The following LRRTM4 variants were observed in gnomAD, a reference collection of about 807,000 sequenced individuals.
LRRTM4 encodes the protein leucine rich repeat transmembrane neuronal 4.
Under a neutral mutation model 47.6 loss-of-function variants are expected in LRRTM4, and 25 were observed. The ratio of observed to expected loss-of-function variants is 0.53; its 90% CI spans 0.38 to 0.73. LRRTM4 has a LOEUF of 0.73. LRRTM4 is among the 30% of genes least tolerant of loss of function. LRRTM4 has a pLI of 0.00. For missense variants in LRRTM4, 638 were observed against 713.4 expected (o/e 0.89, Z 1.20); for synonymous variants, 311 against 269.5 (o/e 1.15, Z -1.51).
At chr2:77,373,647 C>A (rs1014140240) in intron 3 of LRRTM4, among the ~76,000 whole-genome samples, 1 of 151,706 alleles carries the variant, frequency 6.6e-6, no homozygotes, top group Non-Finnish European at 1.5e-5. Context: ...TTGACAAAGG[C>A]ACCATATGCT....
At chr2:77,326,127 T>A (rs1670765858) in intron 3 of LRRTM4, among the ~76,000 whole-genome samples, 1 of 152,200 alleles carries the variant, frequency 6.6e-6, no homozygotes, top group Non-Finnish European at 1.5e-5. Context: ...CAGATCTTAC[T>A]AAGTTGTCCC....
intron 3 of LRRTM4, among the ~76,000 whole-genome samples, chr2:77,393,375 A>G (rs748396621): frequency 6.6e-6 from 1 of 151,998 alleles, no homozygotes; most frequent in African/African-American, 2.4e-5. Flanking sequence ...TTGGAACACT[A>G]TGGGAAAACA....
At chr2:76,991,232 G>A (rs1365077944) in intron 3 of LRRTM4, among the ~76,000 whole-genome samples, 2 of 150,950 alleles carry the variant, frequency 1.3e-5, no homozygotes, top group Non-Finnish European at 3.0e-5. Context: ...TACACCTAGA[G>A]GAACTAGAAA....
At chr2:76,990,796 G>T (rs947652485) in intron 3 of LRRTM4, among the ~76,000 whole-genome samples, 8 of 151,482 alleles carry the variant, frequency 5.3e-5, no homozygotes, top group South Asian at 4.2e-4. Flanking sequence ...TGACCAATTG[G>T]ACCTAATAGA....
intron 3 of LRRTM4, among the ~76,000 whole-genome samples, chr2:77,439,868 G>C (rs777464200): frequency 5.7e-4 from 86 of 152,092 alleles, no homozygotes; most frequent in African/African-American, 2.0e-3. Context: ...TACAGATGAA[G>C]TAATTGAGAC....
chr2:77,313,422 C>G (rs202094047), intron 3 of LRRTM4, among the ~76,000 whole-genome samples: 320 of 77,786 alleles, frequency 4.1e-3, no homozygotes, highest in East Asian at 0.04. Flanking sequence ...CTGGGACCTG[C>G]TGCTGTGATG....
At chr2:77,079,548 T>C (rs1572935038) in intron 3 of LRRTM4, among the ~76,000 whole-genome samples, 1 of 152,162 alleles carries the variant, frequency 6.6e-6, no homozygotes, top group African/African-American at 2.4e-5. Flanking sequence ...TCATCAGCTA[T>C]TGCTAGTGTT....
chr2:76,807,414 A>ACG, intron 3 of LRRTM4, among the ~76,000 whole-genome samples: 4 of 91,926 alleles, frequency 4.4e-5, no homozygotes, highest in Non-Finnish European at 7.8e-5. Flanking sequence ...ATACGTATAT[A>ACG]TATATATATA....
At chr2:76,838,875 G>C (rs188130847) in intron 3 of LRRTM4, among the ~76,000 whole-genome samples, 1 of 152,078 alleles carries the variant, frequency 6.6e-6, no homozygotes, top group East Asian at 1.9e-4. Flanking sequence ...TTCATAATTC[G>C]TTATTTAAGG....
intron 3 of LRRTM4, among the ~76,000 whole-genome samples, chr2:76,953,807 T>C (rs1360997773): frequency 1.3e-5 from 2 of 151,934 alleles, no homozygotes; most frequent in Non-Finnish European, 2.9e-5. Context: ...GAGGTACTGA[T>C]TACTGTCTTA....
chr2:76,780,504 T>TCATTTCATC (rs1674311410), intron 3 of LRRTM4, among the ~76,000 whole-genome samples: 1 of 152,086 alleles, frequency 6.6e-6, no homozygotes, highest in African/African-American at 2.4e-5. Flanking sequence ...TTCATTTCAT[T>TCATTTCATC]CATTTCATCT....
intron 3 of LRRTM4, among the ~76,000 whole-genome samples, chr2:77,033,982 C>T (rs1056289270): frequency 1.3e-5 from 2 of 151,520 alleles, no homozygotes; most frequent in Admixed American, 1.3e-4. Context: ...ATCAAGATTT[C>T]AAGATTTTTT....
chr2:76,861,019 AGAG>A (rs1260929564), intron 3 of LRRTM4, among the ~76,000 whole-genome samples: 2 of 152,124 alleles, frequency 1.3e-5, no homozygotes, highest in Non-Finnish European at 2.9e-5. Flanking sequence ...CAGTTTTTCT[AGAG>A]GTGATAGTTT....
At chr2:76,992,501 A>G (rs1677044417) in intron 3 of LRRTM4, among the ~76,000 whole-genome samples, 1 of 151,650 alleles carries the variant, frequency 6.6e-6, no homozygotes, top group African/African-American at 2.4e-5. Flanking sequence ...CCAGGCTGAA[A>G]TTAAAATCAA....
intron 3 of LRRTM4, among the ~76,000 whole-genome samples, chr2:77,390,369 T>C (rs1450599159): frequency 6.6e-6 from 1 of 152,078 alleles, no homozygotes; most frequent in Non-Finnish European, 1.5e-5. Flanking sequence ...CAAAATATCA[T>C]TTCTCAAAAT....
At chr2:76,824,265 ATGTG>A (rs1671132032) in intron 3 of LRRTM4, among the ~76,000 whole-genome samples, 1 of 151,446 alleles carries the variant, frequency 6.6e-6, no homozygotes, top group Non-Finnish European at 1.5e-5. Flanking sequence ...TGATCTATAA[ATGTG>A]TGTGTGTTTT....
intron 3 of LRRTM4, among the ~76,000 whole-genome samples, chr2:77,026,229 A>G (rs932704867): frequency 6.6e-6 from 1 of 152,140 alleles, no homozygotes; most frequent in African/African-American, 2.4e-5. Context: ...TTTATGTTGC[A>G]GGGGCCATTT....
intron 3 of LRRTM4, among the ~76,000 whole-genome samples, chr2:76,948,267 C>T (rs1039778657): frequency 1.1e-4 from 17 of 151,770 alleles, no homozygotes; most frequent in Non-Finnish European, 2.1e-4. Flanking sequence ...TACCTTGATG[C>T]CACAATTTTG....
chr2:76,784,949 G>T (rs990868780), intron 3 of LRRTM4, among the ~76,000 whole-genome samples: 2 of 152,116 alleles, frequency 1.3e-5, no homozygotes, highest in Admixed American at 6.5e-5. Context: ...CTGAGTGGCA[G>T]ATTGCACTTC....
Sources: gnomAD v4.1 joint callset for allele counts (sites outside exome capture counted in the v4.1 genomes callset) on GRCh38, gnomAD v4.1.1 for gene constraint, MANE v1.5 for transcripts, NCBI Gene and HGNC (gene_info 2026-07-23, HGNC 2026-07-21) for gene names.